TCEA2: variants seen among roughly 807,000 people sequenced by gnomAD.
TCEA2 encodes transcription elongation factor A2, also known as transcription elongation factor A protein 2.
A neutral mutation model predicts 40.8 loss-of-function variants in TCEA2; 21 were observed. The ratio of observed to expected loss-of-function variants is 0.51; its 90% CI spans 0.36 to 0.74. TCEA2 has a LOEUF of 0.74. TCEA2 is among the 30% of genes least tolerant of loss of function. The probability of loss-of-function intolerance (pLI) is 0.00; values close to 1 mark genes in which losing one functional copy is unlikely to be tolerated. For synonymous variants in TCEA2, 165 were observed against 162.7 expected (o/e 1.01, Z -0.11); for missense variants, 326 against 426.5 (o/e 0.76, Z 2.08).
At chr20:64,069,701 C>A in intron 5 of TCEA2, 64 bp from the exon 6 acceptor site, 1 of 1,574,400 alleles carries the variant, frequency 6.4e-7, no homozygotes. Flanking sequence ...GGGTGTTTTG[C>A]AGGCAGAAGG....
upstream of TCEA2, among the ~76,000 whole-genome samples, chr20:64,056,219 G>C (rs1044800151): frequency 6.6e-6 from 1 of 152,152 alleles, no homozygotes; most frequent in East Asian, 1.9e-4. Flanking sequence ...TGGGCAGGTG[G>C]CTCTTCCCAT....
chr20:64,070,838 G>A (rs2059811369), intron 8 of TCEA2, among the ~76,000 whole-genome samples: 2 of 152,246 alleles, frequency 1.3e-5, no homozygotes. Flanking sequence ...GCGGCGTCTT[G>A]GGTGGTGGGA....
At chr20:64,071,343 G>A (rs866480024) in intron 8 of TCEA2, among the ~76,000 whole-genome samples, 4 of 150,536 alleles carry the variant, frequency 2.7e-5, no homozygotes, top group East Asian at 1.9e-4. Context: ...GCGAGACTCC[G>A]TCTTTAAAAA....
At chr20:64,070,201 C>T in intron 6 of TCEA2, 59 bp from the exon 7 acceptor site, 5 of 1,596,380 alleles carry the variant, frequency 3.1e-6, no homozygotes, top group Non-Finnish European at 4.3e-6. Context: ...CCCAGCGGGG[C>T]AGGTGGTAGG....
rs759137604 is a variant in TCEA2, at chr20:64,069,519, C to T, written c.460+28C>T. On this transcript the variant is annotated intron_variant, in intron 5 of 9. Transcript: ENST00000343484. ...GAGTGCGGCCGGCCCTGGCTCCTGA[C>T]ACCCGCTGTGGTTCACAGGGTGGCC... is the stretch of plus-strand genomic sequence containing the variant. 7 of 1,607,598 alleles carry T rather than the reference C, an allele frequency of 4.4e-6. No individual in the cohort carries two copies. The East Asian group carries it at 6.7e-5, about 15-fold the overall frequency.
At chr20:64,069,928 G>A (rs748090720) in intron 6 of TCEA2, 107 bp downstream of exon 6, 2 of 1,397,330 alleles carry the variant, frequency 1.4e-6, no homozygotes, top group Non-Finnish European at 2.0e-6. Flanking sequence ...AGCTGTCCAG[G>A]GGTCACCTGC....
intron 1 of TCEA2, among the ~76,000 whole-genome samples, chr20:64,057,802 C>T (rs2059492751): frequency 6.6e-6 from 1 of 152,184 alleles, no homozygotes; most frequent in African/African-American, 2.4e-5. Flanking sequence ...AGGCCACTCT[C>T]TAGGACTGGC....
At chr20:64,061,080 CGCGCCCA>C (rs1333050641), upstream of TCEA2, among the ~76,000 whole-genome samples, 1 of 145,074 alleles carries the variant, frequency 6.9e-6, no homozygotes, top group Non-Finnish European at 1.5e-5. Context: ...CATGAGCCAC[CGCGCCCA>C]GCCTGAGTCT....
intron 8 of TCEA2, among the ~76,000 whole-genome samples, chr20:64,071,338 A>G (rs1265216350): frequency 6.6e-6 from 1 of 150,858 alleles, no homozygotes; most frequent in Non-Finnish European, 1.5e-5. Flanking sequence ...ACAGAGCGAG[A>G]CTCCGTCTTT....
At chr20:64,057,042 G>A (rs1298863163), upstream of TCEA2, 1 of 152,318 alleles carries the variant, frequency 6.6e-6, no homozygotes, top group African/African-American at 2.4e-5. Context: ...GGCCCCCGGT[G>A]AGGCTGGCTG....
upstream of TCEA2, chr20:64,056,870 C>T (rs925393049): frequency 6.6e-6 from 1 of 152,272 alleles, no homozygotes; most frequent in African/African-American, 2.4e-5. Flanking sequence ...CCCCCTCAGA[C>T]CTCCAAGGTG....
chr20:64,069,295 G>GAC, intron 4 of TCEA2, 66 bp from the exon 5 acceptor site: 1 of 1,505,260 alleles, frequency 6.6e-7, no homozygotes, highest in Non-Finnish European at 8.9e-7. Context: ...CTGCTTCTAG[G>GAC]ACCAGTGTCT....
intron 1 of TCEA2, among the ~76,000 whole-genome samples, chr20:64,065,195 T>A (rs1005293993): frequency 6.6e-6 from 1 of 151,848 alleles, no homozygotes; most frequent in African/African-American, 2.4e-5. Context: ...GTGCAGGGCT[T>A]TCAGGGGACA....
chr20:64,056,123 C>T (rs2059470842), upstream of TCEA2, among the ~76,000 whole-genome samples: 2 of 152,156 alleles, frequency 1.3e-5, no homozygotes, highest in African/African-American at 4.8e-5. Context: ...TGCCTCTTGC[C>T]TCCCCCAGCG....
At chr20:64,063,410 C>T (rs1292505047) in intron 1 of TCEA2, 26 bp downstream of exon 1, 2 of 1,540,880 alleles carry the variant, frequency 1.3e-6, no homozygotes, top group African/African-American at 2.7e-5. Context: ...CGCCAGGACC[C>T]CGGGAACCCC....
At chr20:64,060,399 T>C (rs139566452), upstream of TCEA2, among the ~76,000 whole-genome samples, 25 of 152,238 alleles carry the variant, frequency 1.6e-4, no homozygotes, top group Admixed American at 1.1e-3. Context: ...TTTGAAACCC[T>C]GGCCGCCCGG....
chr20:64,069,734 G>C (rs751707917), intron 5 of TCEA2, 31 bp from the exon 6 acceptor site: 3 of 1,599,296 alleles, frequency 1.9e-6, no homozygotes, highest in Admixed American at 3.4e-5. Flanking sequence ...AGAAACCAGT[G>C]GGGGAAGCTA....
upstream of TCEA2, among the ~76,000 whole-genome samples, chr20:64,055,611 A>C (rs1443052566): frequency 6.6e-6 from 1 of 152,114 alleles, no homozygotes; most frequent in Non-Finnish European, 1.5e-5. The surrounding 1 kb of genome is among the most constrained non-coding windows in gnomAD (Gnocchi z 4.0). Flanking sequence ...TGAGGCTCAG[A>C]GGGAACAAGG....
rs1253397794 is a variant in TCEA2 at position 64,066,932 on chromosome 20, G to A, written c.153G>A (p.Met51Ile). The change falls in exon 3 of 10, where the codon ATG becomes ATA. Residue 51 changes from methionine to isoleucine, a missense_variant. Transcript: ENST00000343484. ...CCTCGTAGTCCACCCGAGTCGGGAT[G>A]TCTGTCAACGCCCTTCGGAAGCAGA... ...LHLLQSTRVG[M>I]SVNALRKQSS... is the part of the protein sequence containing the mutation. 2 of 1,613,936 alleles carry A rather than the reference G, an allele frequency of 1.2e-6. No homozygotes were observed. Among genetic ancestry groups the A allele is most frequent in the Non-Finnish European group, 1.7e-6 (2 of 1,179,968 alleles).
Sources: gnomAD v4.1 joint callset for allele counts (sites outside exome capture counted in the v4.1 genomes callset) on GRCh38, gnomAD v4.1.1 for gene constraint, Gnocchi (gnomAD v3.1) non-coding constraint, MANE v1.5 for transcripts, NCBI Gene and HGNC (gene_info 2026-07-23, HGNC 2026-07-21) for gene names.